The following IP6K3 variants were observed in gnomAD, a reference collection of about 807,000 sequenced individuals.
IP6K3 encodes the protein inositol hexakisphosphate kinase 3, also known as ATP:1D-myo-inositol-hexakisphosphate phosphotransferase.
A neutral mutation model predicts 28.8 loss-of-function variants in IP6K3; 20 were observed. The ratio of observed to expected loss-of-function variants is 0.70; its 90% CI spans 0.49 to 1.01. IP6K3 has a LOEUF of 1.01. Among genes scored for constraint, IP6K3 ranks in the 50% least tolerant of loss-of-function variants. IP6K3 has a pLI of 0.00. For synonymous variants in IP6K3, 213 were observed against 221.3 expected, an observed-to-expected ratio of 0.96 and a Z score of 0.33; for missense variants, 480 against 537.1, an observed-to-expected ratio of 0.89 and a Z score of 1.05.
chr6:33,733,376 G>A (rs1413086725), intron 2 of IP6K3, among the ~76,000 whole-genome samples: 1 of 152,244 alleles, frequency 6.6e-6, no homozygotes, highest in Non-Finnish European at 1.5e-5. Context: ...CACTGAGAGT[G>A]GGGCCCTCCT....
Position 33,726,922 on chromosome 6 carries a change from G to A in IP6K3, c.414-16C>T, listed in dbSNP as rs779189509. 5 of 1,585,106 alleles carry A rather than the reference G, an allele frequency of 3.2e-6. No homozygotes were observed. In the East Asian group the frequency reaches 1.1e-4, roughly 36 times the overall value. On this transcript the variant is annotated splice_polypyrimidine_tract_variant and intron_variant, in intron 3 of 5. Coordinates refer to ENST00000293756, the MANE Select transcript of IP6K3 (RefSeq NM_054111.5). Reference sequence around the variant, plus strand: ...CTTGGCCGGGCTGCGGCGGAGTGGAGCACAGGACGGTCAGAGCAGAGGTCT... The same window carrying A: ...CTTGGCCGGGCTGCGGCGGAGTGGAACACAGGACGGTCAGAGCAGAGGTCT...
At chr6:33,735,715 A>T (rs1274367841) in intron 1 of IP6K3, 60 bp from the exon 2 acceptor site, 24 of 933,582 alleles carry the variant, frequency 2.6e-5, no homozygotes, top group Non-Finnish European at 3.7e-5. Context: ...GGGGCAGGGC[A>T]GCGCTTGGAA....
intron 3 of IP6K3, 44 bp downstream of exon 3, chr6:33,728,043 C>T: frequency 6.3e-7 from 1 of 1,587,316 alleles, no homozygotes; most frequent in Non-Finnish European, 8.5e-7. Flanking sequence ...GTGCCGGTCC[C>T]TGCCGAGGGA....
At chr6:33,736,654 C>T (rs1766538089) in intron 1 of IP6K3, among the ~76,000 whole-genome samples, 1 of 152,196 alleles carries the variant, frequency 6.6e-6, no homozygotes, top group Non-Finnish European at 1.5e-5. Flanking sequence ...GATCCACCCT[C>T]CTTGGCCTCC....
At position 33,746,896 on chromosome 6, in the gene IP6K3, C is replaced by T. The variant is rs12662447; in HGVS notation, c.-318G>A. On this transcript the variant is annotated 5_prime_UTR_variant, in exon 1 of 6. Coordinates refer to ENST00000293756, the MANE Select transcript of IP6K3 (RefSeq NM_054111.5). This position sits in a 1 kb window ranked among gnomAD's most constrained non-coding sequence, Gnocchi z 6.5. ...TTTGCTGTTCACCAGAGCCCTGGTG[C>T]GGGAGGTCTGCCCGGGAGGGCCGGG... The T allele has an allele frequency of 0.12, 18,452 of 152,498 alleles. 1,544 individuals carry two copies. Among genetic ancestry groups the T allele is most frequent in the Middle Eastern group, 0.21 (64 of 298 alleles). The allele number at this position is 152,498 out of a possible 1,614,324, so 9.4% of individuals were successfully genotyped here.
At position 33,742,508 on chromosome 6, in the gene IP6K3, G is replaced by A. The variant is rs183797910; in HGVS notation, c.-180+4250C>T. Among the ~76,000 whole-genome samples, 47 of 152,272 alleles carry A rather than the reference G, an allele frequency of 3.1e-4. No individual in the cohort carries two copies. Among genetic ancestry groups the A allele is most frequent in the Non-Finnish European group, 5.3e-4 (36 of 68,024 alleles). ...AGTGTCTAACGAAGTGCTTGGCAGC[G>A]TGGATTCTTAGGGCCCTGGGTGAGG... On this transcript the variant is annotated intron_variant, in intron 1 of 5. Transcript: ENST00000293756. The surrounding 1 kb of genome is among the most constrained non-coding windows in gnomAD (Gnocchi z 4.5).
chr6:33,723,604 T>C (rs1418456375), intron 5 of IP6K3, among the ~76,000 whole-genome samples: 1 of 152,248 alleles, frequency 6.6e-6, no homozygotes, highest in Non-Finnish European at 1.5e-5. Context: ...CCAATGGCCT[T>C]GGAAAGCCAA....
In IP6K3 at chr6:33,735,289, G is replaced by T; in HGVS notation, c.188C>A (p.Pro63Gln). 6.2e-7 allele frequency: 1 copy of T among 1,612,500 alleles called. No homozygotes were observed. The highest frequency in any genetic ancestry group is 8.5e-7 in the Non-Finnish European group (1 of 1,179,646). ...SLPLAMKRFT[P>Q]QYKGTVTVHL... is the part of the protein sequence containing the mutation. ...GCCTAGACACTCACCTTTGTACTGT[G>T]GGGTGAACCGCTTCATGGCCAGCGG... is the stretch of plus-strand genomic sequence containing the variant. Residue 63 changes from proline (P) to glutamine (Q), a missense_variant, in exon 2 of 6, where the codon CCA (proline) becomes CAA (glutamine). Physicochemically the swap from Pro to Gln is moderately conservative, Grantham distance 76. Coordinates refer to ENST00000293756, the MANE Select transcript of IP6K3 (RefSeq NM_054111.5).
chr6:33,760,992 T>C, the IP6K3 span, among the ~76,000 whole-genome samples: 1 of 152,210 alleles, frequency 6.6e-6, no homozygotes, highest in Admixed American at 6.5e-5. Context: ...GGTGAGACTC[T>C]GAGAGGTTTG....
the IP6K3 span, among the ~76,000 whole-genome samples, chr6:33,754,921 T>G: frequency 4.6e-5 from 7 of 152,208 alleles, no homozygotes; most frequent in African/African-American, 1.7e-4. Context: ...GTGAGGAAAG[T>G]GCCATTATTA....
At chr6:33,733,972 G>A (rs1561905178) in intron 2 of IP6K3, among the ~76,000 whole-genome samples, 1 of 152,212 alleles carries the variant, frequency 6.6e-6, no homozygotes, top group Non-Finnish European at 1.5e-5. Context: ...GGAGGCTGAG[G>A]TGGGTGGATC....
intron 4 of IP6K3, among the ~76,000 whole-genome samples, chr6:33,726,205 G>T (rs898448897): frequency 6.6e-6 from 1 of 152,180 alleles, no homozygotes; most frequent in Non-Finnish European, 1.5e-5. Context: ...AACTCTGTAG[G>T]GGAGGGGGAC....
chr6:33,725,653 C>T, intron 4 of IP6K3, 37 bp from the exon 5 acceptor site: 1 of 1,580,114 alleles, frequency 6.3e-7, no homozygotes. Context: ...CTGAGGACTT[C>T]AGAACTGCTG....
chr6:33,728,510 A>G (rs771702119), intron 2 of IP6K3, among the ~76,000 whole-genome samples: 1 of 152,186 alleles, frequency 6.6e-6, no homozygotes, highest in Non-Finnish European at 1.5e-5. Context: ...GCTTGGAGAA[A>G]ATAGCCTTGG....
Position 33,722,815 on chromosome 6 carries a change from TC to T in IP6K3, c.1137del (p.Trp379Ter), listed in dbSNP as rs1247983139. 6.2e-7 allele frequency: 1 copy of T among 1,614,142 alleles called. No individual in the cohort carries two copies. On this transcript the variant is annotated frameshift_variant, in exon 6 of 6. Transcript: ENST00000293756. LOFTEE classifies it high-confidence loss of function. Reference protein sequence around the residue: ...DFAHTTYKGYWNEHTTYDGPD... With the variant: ...DFAHTTYKGYXNEHTTYDGPD... ...GGTCCATCGTAGGTGGTGTGCTCAT[TC>T]CAGTAGCCCTTGTATGTGGTATGAG...
intron 1 of IP6K3, among the ~76,000 whole-genome samples, chr6:33,738,434 C>T (rs877187): frequency 0.13 from 19,046 of 152,262 alleles, 1,589 homozygotes; most frequent in Middle Eastern, 0.22. Context: ...GATGTCACCG[C>T]GGCAAGGTGT....
intron 2 of IP6K3, among the ~76,000 whole-genome samples, 171 bp downstream of exon 2, chr6:33,735,107 G>C (rs1273282948): frequency 6.6e-6 from 1 of 152,218 alleles, no homozygotes; most frequent in Non-Finnish European, 1.5e-5. Context: ...CTGGAGGCTT[G>C]AAGAGTTCAG....
chr6:33,735,756 T>G, intron 1 of IP6K3, 101 bp from the exon 2 acceptor site: 1 of 541,462 alleles, frequency 1.8e-6, no homozygotes, highest in East Asian at 3.6e-5. Flanking sequence ...CCAGAACAGG[T>G]TCCTCACTGG....
chr6:33,729,339 C>G (rs949124812), intron 2 of IP6K3, among the ~76,000 whole-genome samples: 1 of 152,200 alleles, frequency 6.6e-6, no homozygotes, highest in Non-Finnish European at 1.5e-5. Flanking sequence ...AATACATGTC[C>G]TCTCTCCTAA....
Sources: allele counts gnomAD v4.1 joint callset (sites outside exome capture counted in the v4.1 genomes callset), GRCh38; gene constraint gnomAD v4.1.1; non-coding constraint Gnocchi (gnomAD v3.1); transcripts MANE v1.5; gene names NCBI Gene and HGNC (gene_info 2026-07-23, HGNC 2026-07-21).